NT5C1B: variants seen among roughly 807,000 people sequenced by gnomAD.
NT5C1B encodes cytosolic 5'-nucleotidase 1B.
A neutral mutation model predicts 57.8 loss-of-function variants in NT5C1B; 44 were observed. That is an observed-to-expected ratio of 0.76 (90% CI 0.60 to 0.98). The LOEUF (loss-of-function observed/expected upper bound fraction) is 0.98. NT5C1B is among the 50% of genes least tolerant of loss of function. NT5C1B has a pLI of 0.00. For synonymous variants in NT5C1B, 284 were observed against 282.6 expected (o/e 1.00, Z -0.05); for missense variants, 742 against 719.5 (o/e 1.03, Z -0.36).
intron 2 of NT5C1B, chr2:18,586,889 C>T (rs1666759642): frequency 7.8e-6 from 12 of 1,530,984 alleles, no homozygotes; most frequent in African/African-American, 2.8e-5. Context: ...GAATGAAGGA[C>T]CCCCCGGAAC....
Position 18,584,470 on chromosome 2 carries a change from CAAGG to C in NT5C1B, c.723+40_723+43del, listed in dbSNP as rs762209460. The C allele has an allele frequency of 8.8e-6, 14 of 1,582,684 alleles. No homozygotes were observed. In the African/African-American group the frequency reaches 1.9e-4, roughly 21 times the overall value. ...AGAGGAGGGCGGCTGGAAGAGGCTG[CAAGG>C]AAGGGCGCCCCGGCTGCCAGGGGCG... On this transcript the variant is annotated intron_variant, in intron 4 of 8. Transcript: ENST00000304081. This position sits in a 1 kb window ranked among gnomAD's most constrained non-coding sequence, Gnocchi z 5.8.
chr2:18,576,711 A>G (rs1475972606), intron 7 of NT5C1B, 62 bp downstream of exon 7: 18 of 1,591,244 alleles, frequency 1.1e-5, no homozygotes, highest in African/African-American at 2.7e-5. Flanking sequence ...TGCGAAACTT[A>G]ATGTAAGTCA....
intron 6 of NT5C1B, among the ~76,000 whole-genome samples, chr2:18,579,767 C>T (rs911396280): frequency 6.6e-6 from 1 of 151,956 alleles, no homozygotes; most frequent in Non-Finnish European, 1.5e-5. Context: ...ATTGCAACAA[C>T]AAGAAAAAAT....
exon 6 of NT5C1B, chr2:18,582,946 C>A: frequency 1.2e-6 from 2 of 1,614,018 alleles, no homozygotes; most frequent in Non-Finnish European, 1.7e-6. Context: ...TCAAATAAGT[C>A]CTGTTCATCA....
chr2:18,587,236 A>T (rs1666800189), intron 2 of NT5C1B: 1 of 1,542,406 alleles, frequency 6.5e-7, no homozygotes, highest in Non-Finnish European at 8.7e-7. Flanking sequence ...CCTGATTTGA[A>T]CAAAGACCAG....
At chr2:18,574,143 G>A (rs1256232489) in intron 8 of NT5C1B, among the ~76,000 whole-genome samples, 3 of 151,928 alleles carry the variant, frequency 2.0e-5, no homozygotes, top group Non-Finnish European at 2.9e-5. Flanking sequence ...AAATTAAGCT[G>A]GTTAAAAATG....
At chr2:18,572,914 CTATT>C (rs148566186) in intron 8 of NT5C1B, among the ~76,000 whole-genome samples, 11 of 152,296 alleles carry the variant, frequency 7.2e-5, no homozygotes, top group Admixed American at 2.6e-4. Flanking sequence ...AAAACATACA[CTATT>C]TATCACATGA....
intron 8 of NT5C1B, among the ~76,000 whole-genome samples, chr2:18,568,347 A>G (rs1664844396): frequency 6.6e-6 from 1 of 152,216 alleles, no homozygotes; most frequent in African/African-American, 2.4e-5. Flanking sequence ...TATTGTTTTA[A>G]AAACTAAATA....
At chr2:18,582,491 T>C (rs1666266326) in intron 6 of NT5C1B, among the ~76,000 whole-genome samples, 1 of 152,208 alleles carries the variant, frequency 6.6e-6, no homozygotes, top group Admixed American at 6.5e-5. Flanking sequence ...GGTGAAAACC[T>C]TTAAACCTTT....
Position 18,583,351 on chromosome 2 carries a change from TG to T in NT5C1B, c.892-355del, listed in dbSNP as rs527493938. 16 of 180,190 alleles carry T rather than the reference TG, an allele frequency of 8.9e-5. No individual in the cohort carries two copies. The East Asian group carries it at 1.2e-3, about 14-fold the overall frequency. 11.2% of individuals were successfully genotyped at this position (180,190 alleles called of 1,614,324 possible). ...CTGCTTTTATCGATCATCTAATGAT[TG>T]TTTTTTTTATTTTGAAAAATATGGA... On this transcript the variant is annotated intron_variant, in intron 5 of 8. Transcript: ENST00000304081.
At chr2:18,579,879 A>G (rs1467752954) in intron 6 of NT5C1B, among the ~76,000 whole-genome samples, 1 of 152,230 alleles carries the variant, frequency 6.6e-6, no homozygotes, top group East Asian at 1.9e-4. Flanking sequence ...ATATTTTCAA[A>G]CTATGCATTT....
At chr2:18,589,091 A>G (rs1046636758) in intron 1 of NT5C1B, among the ~76,000 whole-genome samples, 2 of 152,002 alleles carry the variant, frequency 1.3e-5, no homozygotes, top group Non-Finnish European at 2.9e-5. Flanking sequence ...TCCTTTGTCT[A>G]TTGTCTTTCC....
chr2:18,584,910 C>T lies in NT5C1B; in HGVS notation c.327G>A (p.Pro109=), dbSNP rs1340708653. ...GGAGCGAGGGCTGCCCGGACAGCGG[C>T]GGCGGTGAGGAGTCATGCAGGCTTG... Residue 109 remains proline, a synonymous_variant, in exon 4 of 9, where the codon CCG becomes CCA. Transcript: ENST00000304081. This position sits in a 1 kb window ranked among gnomAD's most constrained non-coding sequence, Gnocchi z 5.8. The T allele has an allele frequency of 1.3e-6, 2 of 1,553,398 alleles. No homozygotes were observed. Among genetic ancestry groups the T allele is most frequent in the Non-Finnish European group, 1.7e-6 (2 of 1,156,090 alleles).
intron 6 of NT5C1B, among the ~76,000 whole-genome samples, chr2:18,582,519 A>C (rs1289744771): frequency 6.6e-6 from 1 of 152,258 alleles, no homozygotes; most frequent in Non-Finnish European, 1.5e-5. Context: ...ATCTGTGGTG[A>C]GCAAGAAGTT....
intron 8 of NT5C1B, among the ~76,000 whole-genome samples, chr2:18,566,922 TG>T (rs1174906066): frequency 6.6e-6 from 1 of 152,106 alleles, no homozygotes; most frequent in East Asian, 1.9e-4. Flanking sequence ...CAAGAAGACA[TG>T]GAGTGCAAGA....
chr2:18,586,144 C>G, intron 3 of NT5C1B, 110 bp downstream of exon 3: 1 of 1,475,196 alleles, frequency 6.8e-7, no homozygotes, highest in Non-Finnish European at 9.0e-7. Context: ...GCTAAATTAG[C>G]TAACACATGT....
At chr2:18,576,406 G>A (rs1224827319) in intron 7 of NT5C1B, 38 bp from the exon 8 acceptor site, 3 of 1,577,828 alleles carry the variant, frequency 1.9e-6, no homozygotes, top group African/African-American at 1.4e-5. Flanking sequence ...CTCTTCTCAG[G>A]TCCATGAGTT....
rs367989070 is a variant in NT5C1B at position 18,587,082 on chromosome 2, C to G, written c.120+421G>C. ...TGTGTGGCAGGGGCCAAGGGCTGTT[C>G]CCTCAGCTGCACAAAGGCAGCGTCT... On this transcript the variant is annotated intron_variant, in intron 2 of 8. Coordinates refer to ENST00000304081, the Ensembl canonical transcript of NT5C1B. 112 of 1,613,936 alleles carry G rather than the reference C, an allele frequency of 6.9e-5. No homozygotes were observed. The East Asian group carries it at 1.6e-3, about 23-fold the overall frequency.
chr2:18,587,454 T>C, intron 2 of NT5C1B, 49 bp downstream of exon 2: 1 of 1,599,670 alleles, frequency 6.3e-7, no homozygotes, highest in Non-Finnish European at 8.5e-7. Context: ...TTTTCCATTA[T>C]GCTTTCTGCT....
Sources: allele counts gnomAD v4.1 joint callset (sites outside exome capture counted in the v4.1 genomes callset), GRCh38; gene constraint gnomAD v4.1.1; non-coding constraint Gnocchi (gnomAD v3.1); transcripts MANE v1.5; gene names NCBI Gene and HGNC (gene_info 2026-07-23, HGNC 2026-07-21).